Variants in AVEN observed in about 807,000 individuals in gnomAD.
AVEN encodes apoptosis and caspase activation inhibitor.
Under a neutral mutation model 38.1 loss-of-function variants are expected in AVEN, and 41 were observed. That is an observed-to-expected ratio of 1.08 (90% confidence interval 0.84 to 1.40). The LOEUF is 1.40. Ranked by LOEUF, AVEN falls within the 40% of genes most tolerant of loss-of-function variation. AVEN has a pLI of 0.00. For synonymous variants in AVEN, 206 were observed against 171.8 expected (o/e 1.20, Z -1.56); for missense variants, 605 against 438.8 (o/e 1.38, Z -3.38).
intron 2 of AVEN, among the ~76,000 whole-genome samples, chr15:33,990,274 C>G (rs189454660): frequency 6.6e-6 from 1 of 152,044 alleles, no homozygotes; most frequent in Non-Finnish European, 1.5e-5. Flanking sequence ...CCCAGCTACT[C>G]AGGAGGCTAA....
intron 2 of AVEN, among the ~76,000 whole-genome samples, chr15:33,903,156 G>A (rs1244276670): frequency 2.0e-5 from 3 of 152,138 alleles, no homozygotes; most frequent in South Asian, 2.1e-4. Flanking sequence ...ATACTCACCC[G>A]CAGTATTTGA....
chr15:34,073,989 C>CTTTTTTTTTTTTTTTT (rs5811818), intron 1 of AVEN, among the ~76,000 whole-genome samples: 8 of 31,472 alleles, frequency 2.5e-4, no homozygotes, highest in Admixed American at 5.0e-4. Context: ...TCTTCTTCTT[C>CTTTTTTTTTTTTTTTT]TTTTTTTTTT....
intron 2 of AVEN, among the ~76,000 whole-genome samples, chr15:33,939,257 G>A (rs1216824498): frequency 1.3e-5 from 2 of 152,144 alleles, no homozygotes; most frequent in Admixed American, 6.5e-5. Context: ...AATTGTCACT[G>A]AATTTACAAT....
chr15:34,073,979 TCTTC>T (rs796804538), intron 1 of AVEN, among the ~76,000 whole-genome samples: 1 of 22,602 alleles, frequency 4.4e-5, no homozygotes, highest in African/African-American at 1.0e-4. Flanking sequence ...CTTTCTTTTT[TCTTC>T]TTCTTCTTTT....
intron 2 of AVEN, among the ~76,000 whole-genome samples, chr15:33,927,257 A>AATT (rs1893651599): frequency 7.6e-6 from 1 of 132,338 alleles, no homozygotes; most frequent in Non-Finnish European, 1.6e-5. Context: ...TCCATCTCAA[A>AATT]ATAATAATAA....
At chr15:33,894,954 A>T (rs1204319608) in intron 2 of AVEN, among the ~76,000 whole-genome samples, 1 of 151,798 alleles carries the variant, frequency 6.6e-6, no homozygotes, top group Non-Finnish European at 1.5e-5. Context: ...CTATGTGATT[A>T]AAAGGTGCCA....
At chr15:33,939,529 A>G (rs1894232439) in intron 2 of AVEN, among the ~76,000 whole-genome samples, 3 of 152,232 alleles carry the variant, frequency 2.0e-5, no homozygotes, top group Admixed American at 1.3e-4. Flanking sequence ...GCCACAATAG[A>G]GGGTTGCAAA....
chr15:33,889,402 G>C (rs1597196524), intron 2 of AVEN, among the ~76,000 whole-genome samples: 1 of 152,182 alleles, frequency 6.6e-6, no homozygotes, highest in Non-Finnish European at 1.5e-5. Context: ...GTTGGCTTGT[G>C]AGTCTGTTCT....
At position 33,867,637 on chromosome 15, in the gene AVEN, T is replaced by G; in HGVS notation, c.831A>C (p.Ser277=). The G allele has an allele frequency of 1.9e-6, 3 of 1,614,230 alleles. No homozygotes were observed. Among genetic ancestry groups the G allele is most frequent in the Non-Finnish European group, 2.5e-6 (3 of 1,180,036 alleles). Reference sequence around the variant, plus strand: ...GTTCTTCTTCCAAATGGTCTCCTGCTGACTGCAGTGGGGAAGTGGGTTTCT... The same window carrying G: ...GTTCTTCTTCCAAATGGTCTCCTGCGGACTGCAGTGGGGAAGTGGGTTTCT... ...DSQKPTSPLQ[S]AGDHLEEELD... is the part of the protein sequence containing the mutation. The change falls in exon 5 of 6, where the codon TCA becomes TCC. Residue 277 remains serine, a synonymous_variant. Transcript: ENST00000306730.
intron 2 of AVEN, among the ~76,000 whole-genome samples, chr15:33,954,178 A>G (rs909007638): frequency 6.6e-6 from 1 of 152,236 alleles, no homozygotes; most frequent in Admixed American, 6.5e-5. Flanking sequence ...ATGTGGAAAA[A>G]TAGGAACGCT....
intron 2 of AVEN, among the ~76,000 whole-genome samples, chr15:33,932,024 T>C (rs1296744479): frequency 6.6e-6 from 1 of 152,174 alleles, no homozygotes. Flanking sequence ...TATCCAGCAT[T>C]CTATAAGGCT....
intron 2 of AVEN, among the ~76,000 whole-genome samples, chr15:33,894,969 G>T (rs1892173167): frequency 6.6e-6 from 1 of 151,578 alleles, no homozygotes; most frequent in Admixed American, 6.6e-5. Flanking sequence ...GTGCCATCTG[G>T]AAATTAAACT....
chr15:33,864,214 C>T (rs59611174), downstream of AVEN: 15 of 1,573,202 alleles, frequency 9.5e-6, no homozygotes, highest in Non-Finnish European at 1.3e-5. Flanking sequence ...ATCATATACC[C>T]GTGTTAGATC....
At chr15:34,056,844 A>G (rs914972829) in intron 5 of AVEN, among the ~76,000 whole-genome samples, 1 of 152,210 alleles carries the variant, frequency 6.6e-6, no homozygotes, top group African/African-American at 2.4e-5. Context: ...CAGCCTGAGC[A>G]ACATAGCGAG....
In AVEN at chr15:34,017,267, ACAAAG is replaced by A. The variant is rs149871298; in HGVS notation, c.268-14063_268-14059del. ...GAACTGAGCTCTCATACAAAATGAAACAAAGCAAAGCAAACACCACCACCCCATTT... is the reference window on the plus strand; with the variant it reads ...GAACTGAGCTCTCATACAAAATGAAACAAAGCAAACACCACCACCCCATTT... On this transcript the variant is annotated intron_variant, in intron 1 of 5. Coordinates refer to ENST00000306730, the MANE Select transcript of AVEN (RefSeq NM_020371.3). Among the ~76,000 whole-genome samples the A allele has an allele frequency of 6.0e-3, 914 of 152,270 alleles. 19 individuals are homozygous for A. The highest frequency in any genetic ancestry group is 0.044 in the Admixed American group (668 of 15,284).
chr15:33,974,886 C>A lies in AVEN; in HGVS notation c.445+28146G>T, dbSNP rs147298846. 1.0e-3 allele frequency among the ~76,000 whole-genome samples: 154 copies of A among 152,246 alleles called. 2 individuals carry two copies. In the East Asian group the frequency reaches 0.016, roughly 16 times the overall value. On this transcript the variant is annotated intron_variant, in intron 2 of 5. Coordinates refer to ENST00000306730, the MANE Select transcript of AVEN (RefSeq NM_020371.3). ...TACTTGGAGGCTGGGGCCGGAGAAT[C>A]GCTTGAACCCAGGAGGTGGAGCTTG...
chr15:33,870,621 CACT>C (rs1278769747), intron 4 of AVEN, among the ~76,000 whole-genome samples: 1 of 152,168 alleles, frequency 6.6e-6, no homozygotes, highest in African/African-American at 2.4e-5. Context: ...GTCTGTTCAC[CACT>C]GTGTCCCTAG....
At chr15:33,893,981 G>A (rs554605) in intron 2 of AVEN, among the ~76,000 whole-genome samples, 122,133 of 148,678 alleles carry the variant, frequency 0.82, 54,097 homozygotes, top group Non-Finnish European at 0.98. Context: ...ACAGAGTCTA[G>A]CTCTGTTGCC....
At chr15:33,858,856 TAA>T (rs1043359635) in exon 12 of AVEN, 3 of 152,262 alleles carry the variant, frequency 2.0e-5, no homozygotes, top group African/African-American at 4.8e-5. Flanking sequence ...AGCATCTCCA[TAA>T]AAGAGGTAAC....
Sources: gnomAD v4.1 joint callset for allele counts (sites outside exome capture counted in the v4.1 genomes callset) on GRCh38, gnomAD v4.1.1 for gene constraint, MANE v1.5 for transcripts, NCBI Gene and HGNC (gene_info 2026-07-23, HGNC 2026-07-21) for gene names.